Variants in TOM1L1 observed in about 807,000 individuals in gnomAD.
TOM1L1 encodes TOM1-like protein 1.
In TOM1L1, 64 loss-of-function variants were observed where a neutral mutation model predicts 63.4. That is an observed-to-expected ratio of 1.01 (90% confidence interval 0.83 to 1.24). TOM1L1 has a LOEUF of 1.24. Ranked by LOEUF, TOM1L1 falls within the 50% of genes most tolerant of loss-of-function variation. TOM1L1 has a pLI of 0.00. For synonymous variants in TOM1L1, 166 were observed against 194.4 expected (o/e 0.85, Z 1.22); for missense variants, 536 against 567.0 (o/e 0.95, Z 0.55).
intron 7 of TOM1L1, among the ~76,000 whole-genome samples, chr17:54,918,662 G>A (rs117657112): frequency 0.015 from 2,340 of 152,260 alleles, 47 homozygotes; most frequent in Non-Finnish European, 0.022. Context: ...AGATTCTCAG[G>A]AAGCAAGACA....
chr17:54,955,066 C>T (rs540867191), intron 14 of TOM1L1: 2 of 152,174 alleles, frequency 1.3e-5, no homozygotes, highest in South Asian at 4.2e-4. Flanking sequence ...TAGTTCACGA[C>T]ATTCTACGGT....
intron 3 of TOM1L1, chr17:54,906,797 C>CT (rs1262539193): frequency 1.0e-6 from 1 of 985,310 alleles, no homozygotes; most frequent in East Asian, 1.1e-4. Flanking sequence ...GTGAGTTGTC[C>CT]TTTTTACTTT....
chr17:54,905,492 A>G lies in TOM1L1; in HGVS notation c.147A>G (p.Pro49=). The change falls in exon 3 of 16, where the codon CCA becomes CCG. Residue 49 remains proline, a synonymous_variant. Transcript: ENST00000575882. ...CDIINTTQDG[P]KDAVKALKKR... is the part of the protein sequence containing the mutation. Reference sequence around the variant, plus strand: ...TTCAGTGTATTTATTGCTATAGGCCAAAAGATGCAGTGAAAGCTTTGAAGA... The same window carrying G: ...TTCAGTGTATTTATTGCTATAGGCCGAAAGATGCAGTGAAAGCTTTGAAGA... 1.2e-6 allele frequency: 2 copies of G among 1,610,018 alleles called. No homozygotes were observed. Among genetic ancestry groups the G allele is most frequent in the Non-Finnish European group, 1.7e-6 (2 of 1,177,786 alleles).
At chr17:54,913,634 C>G in intron 4 of TOM1L1, 114 bp from the exon 5 acceptor site, 2 of 1,181,342 alleles carry the variant, frequency 1.7e-6, no homozygotes, top group Non-Finnish European at 2.3e-6. Context: ...CCATTGCACT[C>G]CAGCCCGGGC....
intron 1 of TOM1L1, among the ~76,000 whole-genome samples, chr17:54,901,542 A>G (rs1425730304): frequency 1.3e-5 from 2 of 152,180 alleles, no homozygotes; most frequent in East Asian, 3.9e-4. Context: ...ATCCACCTAA[A>G]TGATTTCTCT....
At chr17:54,922,039 T>G (rs980462072) in intron 7 of TOM1L1, among the ~76,000 whole-genome samples, 19 of 152,166 alleles carry the variant, frequency 1.2e-4, no homozygotes, top group African/African-American at 4.6e-4. Flanking sequence ...ATGCCTGTAA[T>G]CCCAGCACTT....
At chr17:54,903,635 G>C in intron 1 of TOM1L1, 73 bp from the exon 2 acceptor site, 1 of 1,348,400 alleles carries the variant, frequency 7.4e-7, no homozygotes, top group Non-Finnish European at 1.1e-6. Context: ...GTGCAGCCTA[G>C]GCAGATTATT....
At chr17:54,907,283 G>T (rs1324010858) in intron 3 of TOM1L1, among the ~76,000 whole-genome samples, 1 of 151,896 alleles carries the variant, frequency 6.6e-6, no homozygotes, top group East Asian at 1.9e-4. Context: ...GAAATGCCTG[G>T]CACCTGACCA....
Position 54,914,019 on chromosome 17 carries a change from C to A in TOM1L1, c.498+146C>A, listed in dbSNP as rs1441941246. On this transcript the variant is annotated intron_variant, in intron 5 of 15. Transcript: ENST00000575882. ...ATATTGCAATATCTCATAGAATAAC[C>A]GAGACTTGGGATTTTGCTACTTAAA... is the stretch of plus-strand genomic sequence containing the variant. 5.3e-6 allele frequency: 5 copies of A among 945,748 alleles called. No homozygotes were observed. The East Asian group carries it at 1.1e-4, about 21-fold the overall frequency. The allele number at this position is 945,748 out of a possible 1,614,324, so 58.6% of individuals were successfully genotyped here.
At chr17:54,932,701 G>C (rs533325450) in intron 8 of TOM1L1, among the ~76,000 whole-genome samples, 3 of 152,142 alleles carry the variant, frequency 2.0e-5, no homozygotes, top group Non-Finnish European at 4.4e-5. Context: ...GATTACAGGC[G>C]TGAGCCACCG....
chr17:54,946,913 G>A (rs935822381), intron 11 of TOM1L1, among the ~76,000 whole-genome samples: 2 of 152,140 alleles, frequency 1.3e-5, no homozygotes, highest in Non-Finnish European at 2.9e-5. Context: ...CGTTTGCTCC[G>A]CTTTATCCTG....
intron 2 of TOM1L1, 130 bp downstream of exon 2, chr17:54,903,922 T>A (rs2048367799): frequency 6.8e-6 from 5 of 735,342 alleles, no homozygotes; most frequent in Non-Finnish European, 1.1e-5. Flanking sequence ...GCACCCTCTA[T>A]CTTTTGAAGA....
chr17:54,924,283 C>T (rs371831918), intron 7 of TOM1L1, among the ~76,000 whole-genome samples: 12 of 137,536 alleles, frequency 8.7e-5, no homozygotes, highest in African/African-American at 2.7e-4. Context: ...TTTCTTTTTT[C>T]TTTTTTTTTT....
chr17:54,915,916 T>C, intron 7 of TOM1L1, 54 bp downstream of exon 7: 3 of 1,396,442 alleles, frequency 2.1e-6, no homozygotes, highest in Non-Finnish European at 3.0e-6. Flanking sequence ...AGTTATTCTC[T>C]AAACTTTGAG....
intron 14 of TOM1L1, chr17:54,953,660 C>G (rs2049346730): frequency 6.6e-6 from 1 of 152,348 alleles, no homozygotes; most frequent in Admixed American, 6.5e-5. Flanking sequence ...TGGTCACTCA[C>G]CCATGCCATC....
chr17:54,924,758 C>T (rs1337337103), intron 7 of TOM1L1, among the ~76,000 whole-genome samples: 1 of 151,154 alleles, frequency 6.6e-6, no homozygotes, highest in African/African-American at 2.4e-5. Context: ...AGTAAACAGG[C>T]TTAATGAATC....
intron 7 of TOM1L1, among the ~76,000 whole-genome samples, chr17:54,927,072 T>C (rs1046547591): frequency 5.3e-5 from 8 of 152,248 alleles, no homozygotes; most frequent in African/African-American, 1.9e-4. Context: ...TTAAGGATTA[T>C]GCTGACAATT....
At chr17:54,901,168 G>A (rs1217948390) in intron 1 of TOM1L1, 1 of 588,622 alleles carries the variant, frequency 1.7e-6, no homozygotes, top group Non-Finnish European at 3.0e-6. Context: ...CGCCTGGGGA[G>A]TGGAACCAAA....
chr17:54,951,526 G>T (rs905017580), intron 14 of TOM1L1, among the ~76,000 whole-genome samples: 1 of 152,320 alleles, frequency 6.6e-6, no homozygotes, highest in Admixed American at 6.5e-5. Context: ...AGAGAAGGTC[G>T]AGAGATTCTG....
Sources: gnomAD v4.1 joint callset for allele counts (sites outside exome capture counted in the v4.1 genomes callset) on GRCh38, gnomAD v4.1.1 for gene constraint, MANE v1.5 for transcripts, NCBI Gene and HGNC (gene_info 2026-07-23, HGNC 2026-07-21) for gene names.